The following PPARG variants were observed in gnomAD, a reference collection of about 807,000 sequenced individuals.
PPARG encodes peroxisome proliferator-activated receptor gamma.
A neutral mutation model predicts 39.2 loss-of-function variants in PPARG; 17 were observed. The observed-to-expected ratio is 0.43, with a 90% confidence interval of 0.30 to 0.65. PPARG has a LOEUF of 0.65. PPARG is among the 30% of genes least tolerant of loss of function. The pLI is 0.13. For synonymous variants in PPARG, 223 were observed against 215.7 expected (o/e 1.03, Z -0.30); for missense variants, 406 against 585.9 (o/e 0.69, Z 3.17).
At chr3:12,292,109 C>T (rs1162720020) in intron 1 of PPARG, among the ~76,000 whole-genome samples, 1 of 152,176 alleles carries the variant, frequency 6.6e-6, no homozygotes, top group Non-Finnish European at 1.5e-5. Context: ...GAAGATGATG[C>T]TTCTCATGTG....
intron 6 of PPARG, among the ~76,000 whole-genome samples, chr3:12,408,616 G>A (rs1172067021): frequency 1.4e-5 from 2 of 140,238 alleles, no homozygotes; most frequent in African/African-American, 5.6e-5. Flanking sequence ...TTGCCCAGGT[G>A]GGAGTGTCTT....
intron 2 of PPARG, chr3:12,351,778 A>G: frequency 2.3e-6 from 2 of 872,684 alleles, no homozygotes; most frequent in Non-Finnish European, 1.9e-6. Flanking sequence ...TTTTAATACT[A>G]TCATGTGTAC....
intron 2 of PPARG, among the ~76,000 whole-genome samples, chr3:12,341,081 G>A (rs2048169518): frequency 6.6e-6 from 1 of 152,166 alleles, no homozygotes; most frequent in Non-Finnish European, 1.5e-5. Flanking sequence ...TACTTGGGAG[G>A]CTGAGGCAGA....
intron 2 of PPARG, among the ~76,000 whole-genome samples, chr3:12,344,042 G>A (rs912072527): frequency 2.6e-5 from 4 of 151,040 alleles, no homozygotes; most frequent in African/African-American, 9.8e-5. Flanking sequence ...TGTATTTTTG[G>A]TAGAGACAGG....
chr3:12,289,440 A>G (rs1435307959), intron 1 of PPARG, among the ~76,000 whole-genome samples: 2 of 152,246 alleles, frequency 1.3e-5, no homozygotes, highest in Admixed American at 1.3e-4. Context: ...AAACCAGACA[A>G]TGATAAACTG....
intron 2 of PPARG, chr3:12,372,009 A>C: frequency 1.4e-6 from 1 of 717,140 alleles, no homozygotes; most frequent in South Asian, 1.5e-5. Flanking sequence ...GAGTACCATG[A>C]CATTAACTGA....
At chr3:12,427,580 TTA>T (rs1266297607) in intron 7 of PPARG, among the ~76,000 whole-genome samples, 2 of 152,186 alleles carry the variant, frequency 1.3e-5, no homozygotes, top group Non-Finnish European at 2.9e-5. Flanking sequence ...CACCATACGC[TTA>T]TGAAAGAAAT....
chr3:12,291,885 G>A (rs1157067830), intron 1 of PPARG, among the ~76,000 whole-genome samples: 1 of 152,194 alleles, frequency 6.6e-6, no homozygotes, highest in East Asian at 1.9e-4. Context: ...AACGGAGAAA[G>A]TGTTGCAGTT....
At chr3:12,348,168 T>C (rs1215735830) in intron 2 of PPARG, among the ~76,000 whole-genome samples, 1 of 152,212 alleles carries the variant, frequency 6.6e-6, no homozygotes, top group Non-Finnish European at 1.5e-5. Context: ...TATTCTATAT[T>C]ATGGGAATAT....
intron 2 of PPARG, among the ~76,000 whole-genome samples, chr3:12,342,110 G>T (rs1162706496): frequency 1.3e-5 from 2 of 152,172 alleles, no homozygotes; most frequent in Non-Finnish European, 2.9e-5. Context: ...TGATGTGATG[G>T]AATAGGAAGT....
chr3:12,381,188 T>C, intron 3 of PPARG, 134 bp from the exon 4 acceptor site: 1 of 922,656 alleles, frequency 1.1e-6, no homozygotes, highest in East Asian at 2.7e-5. Context: ...TCCAGTGTTT[T>C]TTCATGTTCC....
chr3:12,296,038 G>A (rs1178693958), intron 1 of PPARG, among the ~76,000 whole-genome samples: 2 of 151,258 alleles, frequency 1.3e-5, no homozygotes, highest in Non-Finnish European at 3.0e-5. Context: ...GATCACTTGA[G>A]GCCAGGAGTT....
intron 4 of PPARG, among the ~76,000 whole-genome samples, chr3:12,385,379 A>T (rs141158299): frequency 0.011 from 1,747 of 152,294 alleles, 21 homozygotes; most frequent in South Asian, 0.032. Flanking sequence ...ATTCAGTCAG[A>T]CAGATGAGAA....
chr3:12,351,366 C>G (rs1364688142), intron 2 of PPARG: 1 of 586,052 alleles, frequency 1.7e-6, no homozygotes, highest in Admixed American at 2.9e-5. Context: ...TATGACACAA[C>G]TTTTTGTCAC....
rs1358547602 is a variant in PPARG, at chr3:12,336,657, T to C, written c.-9+24204T>C. ...TCCAGATTTGATAGCTATTATTTTT[T>C]AATAATAGTTAAGTGCCTTTATTTT... On this transcript the variant is annotated intron_variant, in intron 2 of 7. Coordinates refer to ENST00000651735, the MANE Select transcript of PPARG (RefSeq NM_138711.6). 3.9e-5 allele frequency among the ~76,000 whole-genome samples: 6 copies of C among 152,328 alleles called. No homozygotes were observed. In the East Asian group the frequency reaches 1.2e-3, roughly 29 times the overall value.
chr3:12,296,002 A>G (rs914961054), intron 1 of PPARG, among the ~76,000 whole-genome samples: 7 of 152,102 alleles, frequency 4.6e-5, no homozygotes, highest in Admixed American at 2.6e-4. Flanking sequence ...CTGTAATCCC[A>G]GCACTTTGGG....
chr3:12,320,137 A>G (rs1559492145), intron 2 of PPARG, among the ~76,000 whole-genome samples: 1 of 152,152 alleles, frequency 6.6e-6, no homozygotes, highest in Admixed American at 6.6e-5. Context: ...GTAAGGATTG[A>G]TTGTTTCCTA....
At chr3:12,288,964 G>A (rs1344770812), upstream of PPARG, 1 of 152,436 alleles carries the variant, frequency 6.6e-6, no homozygotes, top group Non-Finnish European at 1.5e-5. Flanking sequence ...TGTAGTCGTG[G>A]TACTTTACGC....
chr3:12,433,249 G>A (rs928829400), intron 7 of PPARG, among the ~76,000 whole-genome samples: 5 of 152,186 alleles, frequency 3.3e-5, no homozygotes, highest in Admixed American at 2.0e-4. Flanking sequence ...TTGAAAAGGA[G>A]ATTTCTGGCT....
Sources: allele counts gnomAD v4.1 joint callset (sites outside exome capture counted in the v4.1 genomes callset), GRCh38; gene constraint gnomAD v4.1.1; transcripts MANE v1.5; gene names NCBI Gene and HGNC (gene_info 2026-07-23, HGNC 2026-07-21).